ADAMTSL3: variants seen among roughly 807,000 people sequenced by gnomAD.
ADAMTSL3 encodes ADAMTS-like protein 3.
Under a neutral mutation model 201.7 loss-of-function variants are expected in ADAMTSL3, and 128 were observed. The ratio of observed to expected loss-of-function variants is 0.63; its 90% CI spans 0.55 to 0.73. The LOEUF (loss-of-function observed/expected upper bound fraction) is 0.73, where lower values mean the gene tolerates loss of function less well. ADAMTSL3 is among the 30% of genes least tolerant of loss of function. ADAMTSL3 has a pLI of 0.00. For missense variants in ADAMTSL3, 1,990 were observed against 2,119.6 expected (o/e 0.94, Z 1.20); for synonymous variants, 738 against 748.4 (o/e 0.99, Z 0.23).
Position 84,007,151 on chromosome 15 carries a change from G to A in ADAMTSL3, c.3974-7391G>A, listed in dbSNP as rs141172008. ...TATTTCTGACATTTTCTTTTGGAAT[G>A]TAACTTTGTCAGTTTGTTCTGAGAA... On this transcript the variant is annotated intron_variant, in intron 23 of 29. Transcript: ENST00000286744. Among the ~76,000 whole-genome samples the A allele has an allele frequency of 1.7e-4, 26 of 152,294 alleles. 1 individual carries two copies. The highest frequency in any genetic ancestry group is 6.3e-4 in the African/African-American group (26 of 41,554).
chr15:83,756,664 A>G (rs1284981798), intron 3 of ADAMTSL3, among the ~76,000 whole-genome samples: 1 of 147,228 alleles, frequency 6.8e-6, no homozygotes, highest in Non-Finnish European at 1.5e-5. Context: ...CAGTCCCCCA[A>G]GTCTTAACTC....
Position 83,982,731 on chromosome 15 carries a change from C to A in ADAMTSL3, c.3103C>A (p.Gln1035Lys), listed in dbSNP as rs1481273727. The A allele has an allele frequency of 6.2e-7, 1 of 1,613,924 alleles. No homozygotes were observed. Among genetic ancestry groups the A allele is most frequent in the Non-Finnish European group, 8.5e-7 (1 of 1,180,032 alleles). ...GGGAGTCACATGGCACAAAATGAGG[C>A]AAATGTGGAATAACAAAAATGACCT... ...SLGVTWHKMR[Q>K]MWNNKNDLYL... The change falls in exon 21 of 30, where the codon CAA becomes AAA. Residue 1035 changes from glutamine to lysine, a missense_variant. Transcript: ENST00000286744.
At chr15:83,942,526 G>C in intron 17 of ADAMTSL3, 70 bp from the exon 18 acceptor site, 1 of 1,458,410 alleles carries the variant, frequency 6.9e-7, no homozygotes, top group Non-Finnish European at 9.4e-7. Flanking sequence ...GCTTCACGTT[G>C]TTCATGCTCT....
chr15:83,727,895 C>A (rs1050266382), intron 3 of ADAMTSL3, among the ~76,000 whole-genome samples: 9 of 151,974 alleles, frequency 5.9e-5, no homozygotes, highest in African/African-American at 2.2e-4. Context: ...GTCTATAGTG[C>A]AGATTAAGTC....
intron 26 of ADAMTSL3, among the ~76,000 whole-genome samples, chr15:84,023,350 A>G (rs1362641417): frequency 1.3e-5 from 2 of 152,236 alleles, no homozygotes; most frequent in Non-Finnish European, 1.5e-5. Context: ...AGAAATGTTT[A>G]ATGTTATATA....
intron 2 of ADAMTSL3, among the ~76,000 whole-genome samples, chr15:83,662,127 T>C (rs2061176029): frequency 4.1e-5 from 6 of 145,630 alleles, no homozygotes; most frequent in Admixed American, 2.8e-4. Flanking sequence ...TGCACACGTA[T>C]GTTTATTGCG....
intron 3 of ADAMTSL3, among the ~76,000 whole-genome samples, chr15:83,735,982 A>C (rs2062363904): frequency 6.6e-6 from 1 of 152,078 alleles, no homozygotes; most frequent in Non-Finnish European, 1.5e-5. Flanking sequence ...TGCAGTAACC[A>C]TTCTAAGGAC....
intron 20 of ADAMTSL3, among the ~76,000 whole-genome samples, chr15:83,977,030 G>A (rs968879742): frequency 6.6e-6 from 1 of 152,320 alleles, no homozygotes; most frequent in Admixed American, 6.5e-5. Context: ...TCCATAGCCT[G>A]TTGGGAACTG....
At chr15:83,764,604 C>A (rs1393932613) in intron 3 of ADAMTSL3, among the ~76,000 whole-genome samples, 1 of 152,048 alleles carries the variant, frequency 6.6e-6, no homozygotes, top group Non-Finnish European at 1.5e-5. Flanking sequence ...TCCTCTCAGG[C>A]AGCCCTGTAT....
chr15:83,675,350 T>C (rs1409583794), intron 2 of ADAMTSL3, among the ~76,000 whole-genome samples: 2 of 152,090 alleles, frequency 1.3e-5, no homozygotes, highest in Admixed American at 1.3e-4. Context: ...TTATGTGAAA[T>C]GCTCTTTTCC....
intron 6 of ADAMTSL3, among the ~76,000 whole-genome samples, chr15:83,823,525 T>C (rs966409689): frequency 3.3e-5 from 5 of 152,316 alleles, no homozygotes; most frequent in Admixed American, 1.3e-4. Flanking sequence ...ACACATTTGA[T>C]CCATTGCCAC....
chr15:83,704,583 T>G, intron 3 of ADAMTSL3, 75 bp downstream of exon 3: 1 of 1,560,924 alleles, frequency 6.4e-7, no homozygotes. Context: ...CTAAAAGACC[T>G]TCAAAGTAAT....
intron 3 of ADAMTSL3, among the ~76,000 whole-genome samples, chr15:83,720,757 G>A (rs2062088721): frequency 6.6e-6 from 1 of 152,150 alleles, no homozygotes; most frequent in Non-Finnish European, 1.5e-5. Context: ...AGTCTATTTT[G>A]TGTTCTAACT....
intron 23 of ADAMTSL3, among the ~76,000 whole-genome samples, chr15:83,998,643 G>T (rs571956723): frequency 6.6e-6 from 1 of 152,286 alleles, no homozygotes; most frequent in South Asian, 2.1e-4. Context: ...AAATGACTCA[G>T]GTCTTGTTCA....
intron 20 of ADAMTSL3, among the ~76,000 whole-genome samples, chr15:83,978,615 A>G (rs1477421781): frequency 1.3e-5 from 2 of 152,162 alleles, no homozygotes; most frequent in East Asian, 1.9e-4. Flanking sequence ...CGTTCCAGGC[A>G]TTGCTCTCAA....
At chr15:83,678,559 AT>A (rs201046410) in intron 2 of ADAMTSL3, among the ~76,000 whole-genome samples, 2 of 150,520 alleles carry the variant, frequency 1.3e-5, no homozygotes, top group African/African-American at 4.9e-5. Context: ...TGATTTTTAG[AT>A]TTTTGTTTGT....
chr15:83,992,075 T>C, intron 23 of ADAMTSL3, among the ~76,000 whole-genome samples: 1 of 152,164 alleles, frequency 6.6e-6, no homozygotes, highest in East Asian at 1.9e-4. Flanking sequence ...AGCTTCCAAG[T>C]TCTAATTAGA....
At chr15:83,744,503 C>T (rs1251118937) in intron 3 of ADAMTSL3, among the ~76,000 whole-genome samples, 4 of 152,090 alleles carry the variant, frequency 2.6e-5, no homozygotes, top group Non-Finnish European at 4.4e-5. Flanking sequence ...TGTATATATT[C>T]ATGATGTACA....
chr15:83,699,752 G>A (rs1398303664), intron 2 of ADAMTSL3, among the ~76,000 whole-genome samples: 1 of 152,060 alleles, frequency 6.6e-6, no homozygotes, highest in Non-Finnish European at 1.5e-5. Context: ...TTCCACTTTG[G>A]AGCTTTTGTA....
Sources: allele counts gnomAD v4.1 joint callset (sites outside exome capture counted in the v4.1 genomes callset), GRCh38; gene constraint gnomAD v4.1.1; transcripts MANE v1.5; gene names NCBI Gene and HGNC (gene_info 2026-07-23, HGNC 2026-07-21).